KLHL13: variants seen among roughly 807,000 people sequenced by gnomAD.
KLHL13 encodes kelch like family member 13, also known as kelch-like protein 13.
KLHL13 carries 10 observed loss-of-function variants against 37.1 expected under a neutral mutation model. The ratio of observed to expected loss-of-function variants is 0.27; its 90% CI spans 0.17 to 0.46. The LOEUF is 0.46. Ranked by LOEUF, KLHL13 falls within the 20% of genes least tolerant of loss-of-function variation. KLHL13 has a pLI of 1.00. For synonymous variants in KLHL13, 163 were observed against 181.2 expected (o/e 0.90, Z 0.81); for missense variants, 360 against 509.3 (o/e 0.71, Z 2.82).
intron 1 of KLHL13, among the ~76,000 whole-genome samples, chrX:118,065,637 G>A (rs183129851): frequency 3.4e-4 from 38 of 111,587 alleles, no homozygotes; most frequent in Non-Finnish European, 5.5e-4. Flanking sequence ...AAAAGAAACA[G>A]AGCCAACGTA....
intron 1 of KLHL13, among the ~76,000 whole-genome samples, chrX:117,966,188 A>T (rs2053426020): frequency 8.9e-6 from 1 of 112,065 alleles, no homozygotes; most frequent in Non-Finnish European, 1.9e-5. Context: ...CCTTCAGCAA[A>T]GTCTCCTCCT....
At chrX:118,089,558 A>AT (rs1019242500) in intron 1 of KLHL13, among the ~76,000 whole-genome samples, 1 of 101,577 alleles carries the variant, frequency 9.8e-6, no homozygotes, top group African/African-American at 3.7e-5. Flanking sequence ...ATAGGGCAAG[A>AT]TTTTAAATAG....
At chrX:117,930,281 G>A (rs1932365053) in intron 2 of KLHL13, among the ~76,000 whole-genome samples, 1 of 100,043 alleles carries the variant, frequency 1.0e-5, no homozygotes, top group Non-Finnish European at 2.0e-5. Flanking sequence ...AGGAAGGAAG[G>A]AAGGAAGGAA....
chrX:118,050,138 G>A (rs747245989), intron 1 of KLHL13, among the ~76,000 whole-genome samples: 37 of 111,212 alleles, frequency 3.3e-4, no homozygotes, highest in African/African-American at 1.2e-3. Context: ...CTCCTGTCTC[G>A]GCCTCCCAAA....
intron 1 of KLHL13, among the ~76,000 whole-genome samples, chrX:118,041,079 A>G (rs1316148631): frequency 8.9e-6 from 1 of 112,675 alleles, no homozygotes; most frequent in East Asian, 2.8e-4. Flanking sequence ...GAGTTCCTCA[A>G]TCTGAAAGAA....
At chrX:117,898,287 G>A (rs1183366333) in exon 7 of KLHL13, 1 of 112,519 alleles carries the variant, frequency 8.9e-6, no homozygotes, top group African/African-American at 3.2e-5. Context: ...GGTTCATGCT[G>A]CTTTTTAAAT....
rs149338296 is a variant in KLHL13 at position 117,934,094 on chromosome X, A to C, written c.240+11340T>G. Reference sequence around the variant, plus strand: ...AGTAGGAGCTAAACATTGGGTACACATGGACACAAAAATGGAAATAATAAA... The same window carrying C: ...AGTAGGAGCTAAACATTGGGTACACCTGGACACAAAAATGGAAATAATAAA... On this transcript the variant is annotated intron_variant, in intron 2 of 6. Transcript: ENST00000262820. Among the ~76,000 whole-genome samples, 769 of 110,801 alleles carry C rather than the reference A, an allele frequency of 6.9e-3. 6 individuals carry two copies. The highest frequency in any genetic ancestry group is 0.022 in the African/African-American group (677 of 30,574).
intron 1 of KLHL13, among the ~76,000 whole-genome samples, chrX:118,067,505 T>G (rs2054807903): frequency 8.9e-6 from 1 of 112,229 alleles, no homozygotes; most frequent in African/African-American, 3.2e-5. Context: ...TTTTATATGC[T>G]TTTAAATTTT....
chrX:118,104,271 C>CA lies in KLHL13; in HGVS notation c.-56+12236dup, dbSNP rs947759098. 2.2e-4 allele frequency among the ~76,000 whole-genome samples: 24 copies of CA among 109,692 alleles called. 1 individual carries two copies. The highest frequency in any genetic ancestry group is 6.0e-4 in the African/African-American group (18 of 30,189). On this transcript the variant is annotated intron_variant, in intron 1 of 6. Transcript: ENST00000371882. ...CACCACCCCAATACTATGCCCCAGCCAAAAAAAATGGCGTGGAGGAGTTGC... is the reference window on the plus strand; with the variant it reads ...CACCACCCCAATACTATGCCCCAGCCAAAAAAAAATGGCGTGGAGGAGTTGC...
Position 118,110,822 on chromosome X carries a change from A to T in KLHL13, c.-56+5686T>A, listed in dbSNP as rs113617539. On this transcript the variant is annotated intron_variant, in intron 1 of 6. Transcript: ENST00000371882. ...CCCCCACAAAAGACTCTCTTGTGCT[A>T]AAGAAGCATAGGTTGGTTTAAATAA... Among the ~76,000 whole-genome samples, 134 of 111,860 alleles carry T rather than the reference A, an allele frequency of 1.2e-3. 1 individual carries two copies. Among genetic ancestry groups the T allele is most frequent in the African/African-American group, 4.3e-3 (131 of 30,800 alleles).
exon 1 of KLHL13, chrX:117,973,021 G>C: frequency 6.6e-6 from 7 of 1,055,873 alleles, no homozygotes; most frequent in Non-Finnish European, 8.5e-6. Context: ...AAATTCTTCT[G>C]TCCCCTAAAG....
intron 1 of KLHL13, among the ~76,000 whole-genome samples, chrX:118,021,306 T>C (rs1194764037): frequency 9.5e-6 from 1 of 105,335 alleles, no homozygotes; most frequent in African/African-American, 3.5e-5. Context: ...TAGTTACATA[T>C]GTATACATGT....
At chrX:118,020,584 C>T (rs1159605537) in intron 1 of KLHL13, among the ~76,000 whole-genome samples, 2 of 110,746 alleles carry the variant, frequency 1.8e-5, no homozygotes, top group South Asian at 3.9e-4. Flanking sequence ...GTCAGAGTGG[C>T]GATTCCTCAG....
At position 118,012,074 on chromosome X, in the gene KLHL13, GGCAATGTTGTT is replaced by G. The variant is rs772614896; in HGVS notation, c.-55-66510_-55-66500del. ...AGTGCCAGCACTGAAACTGAGACCT[GGCAATGTTGTT>G]GCTTTTTAAAGCAGCCAGAGTTCTA... On this transcript the variant is annotated intron_variant, in intron 1 of 6. Transcript: ENST00000371882. Among the ~76,000 whole-genome samples, 286 of 111,858 alleles carry G rather than the reference GGCAATGTTGTT, an allele frequency of 2.6e-3. 1 individual carries two copies. The highest frequency in any genetic ancestry group is 8.7e-3 in the African/African-American group (267 of 30,785).
chrX:118,096,628 AAGAGAATTTT>A (rs2055209676), intron 1 of KLHL13, among the ~76,000 whole-genome samples: 1 of 111,708 alleles, frequency 9.0e-6, no homozygotes, highest in South Asian at 3.8e-4. Flanking sequence ...ACAACCAAAA[AAGAGAATTTT>A]AGACCAATAT....
intron 1 of KLHL13, among the ~76,000 whole-genome samples, chrX:118,025,950 T>A (rs1334930036): frequency 8.9e-6 from 1 of 111,834 alleles, no homozygotes; most frequent in Non-Finnish European, 1.9e-5. Context: ...AGCAGAAATA[T>A]GTTCTGATTG....
At chrX:117,905,505 GCA>G (rs34703680) in intron 5 of KLHL13, among the ~76,000 whole-genome samples, 7,387 of 102,520 alleles carry the variant, frequency 0.072, 576 homozygotes, top group African/African-American at 0.23. Context: ...GCTAGTGCGT[GCA>G]CACACACACA....
rs1323387843 is a variant in KLHL13, at chrX:117,971,568, A to G, written c.98+1163T>C. 4.5e-5 allele frequency among the ~76,000 whole-genome samples: 5 copies of G among 111,241 alleles called. No homozygotes were observed. In the East Asian group the frequency reaches 1.4e-3, roughly 31 times the overall value. On this transcript the variant is annotated intron_variant, in intron 1 of 6. Coordinates refer to ENST00000262820, the Ensembl canonical transcript of KLHL13. ...ATATCCTGGAGCATAAACGGAAAGG[A>G]GCATTAAAAAATCTGAAAATAAAAT... is the stretch of plus-strand genomic sequence containing the variant.
chrX:117,920,565 A>G (rs1931635585), intron 2 of KLHL13, among the ~76,000 whole-genome samples, 195 bp from the exon 4 acceptor site: 1 of 112,497 alleles, frequency 8.9e-6, no homozygotes, highest in Non-Finnish European at 1.9e-5. Flanking sequence ...CACTGTAGGA[A>G]TAACACAAAA....
Sources: gnomAD v4.1 joint callset for allele counts (sites outside exome capture counted in the v4.1 genomes callset) on GRCh38, gnomAD v4.1.1 for gene constraint, MANE v1.5 for transcripts, NCBI Gene and HGNC (gene_info 2026-07-23, HGNC 2026-07-21) for gene names.